LRRC4C: variants seen among roughly 807,000 people sequenced by gnomAD.
LRRC4C encodes leucine rich repeat containing 4C.
Under a neutral mutation model 33.6 loss-of-function variants are expected in LRRC4C, and 5 were observed. The ratio of observed to expected loss-of-function variants is 0.15; its 90% confidence interval spans 0.08 to 0.31. The LOEUF (loss-of-function observed/expected upper bound fraction) is 0.31, where lower values mean the gene tolerates loss of function less well. Among genes scored for constraint, LRRC4C ranks in the 10% least tolerant of loss-of-function variants. LRRC4C has a pLI of 1.00. For synonymous variants in LRRC4C, 329 were observed against 302.0 expected (o/e 1.09, Z -0.93); for missense variants, 560 against 796.7 (o/e 0.70, Z 3.58).
At chr11:40,367,852 T>C (rs1948279707) in intron 3 of LRRC4C, among the ~76,000 whole-genome samples, 1 of 152,126 alleles carries the variant, frequency 6.6e-6, no homozygotes, top group Non-Finnish European at 1.5e-5. Context: ...ATCTGATCCC[T>C]CATATGAGGC....
chr11:41,153,227 C>A (rs566146514), intron 1 of LRRC4C, among the ~76,000 whole-genome samples: 1 of 152,008 alleles, frequency 6.6e-6, no homozygotes, highest in African/African-American at 2.4e-5. Flanking sequence ...TAAATTACAC[C>A]AAACTTTGTG....
intron 2 of LRRC4C, among the ~76,000 whole-genome samples, chr11:40,765,173 A>C (rs964327816): frequency 3.9e-5 from 6 of 152,156 alleles, no homozygotes; most frequent in Non-Finnish European, 7.3e-5. Context: ...TGTAATTTCC[A>C]GTGTTGGAGG....
At chr11:40,643,331 C>T (rs78844780) in intron 3 of LRRC4C, among the ~76,000 whole-genome samples, 88 of 152,244 alleles carry the variant, frequency 5.8e-4, no homozygotes, top group African/African-American at 2.0e-3. Context: ...TCACCTAGGC[C>T]ATCAATGCCC....
intron 1 of LRRC4C, among the ~76,000 whole-genome samples, chr11:41,062,104 C>G (rs1049152474): frequency 6.6e-6 from 1 of 152,206 alleles, no homozygotes; most frequent in Non-Finnish European, 1.5e-5. Flanking sequence ...GTTTAAAAAA[C>G]TTATTATAAT....
At chr11:41,394,534 C>T (rs1000296234) in intron 1 of LRRC4C, 1 of 151,852 alleles carries the variant, frequency 6.6e-6, no homozygotes, top group African/African-American at 2.4e-5. Flanking sequence ...CTCCAATCAG[C>T]TCATCAGAAA....
chr11:40,981,240 C>A (rs572850955), intron 1 of LRRC4C, among the ~76,000 whole-genome samples: 1 of 152,100 alleles, frequency 6.6e-6, no homozygotes, highest in East Asian at 1.9e-4. Context: ...ATGGTGAAAC[C>A]CCGTCTCTAC....
intron 6 of LRRC4C, among the ~76,000 whole-genome samples, chr11:40,126,514 A>G (rs1335938871): frequency 6.6e-6 from 1 of 152,210 alleles, no homozygotes; most frequent in Non-Finnish European, 1.5e-5. Flanking sequence ...CCAATCTTGG[A>G]GGTATAAAAC....
At chr11:40,188,512 T>G (rs2135580453) in intron 5 of LRRC4C, among the ~76,000 whole-genome samples, 1 of 152,364 alleles carries the variant, frequency 6.6e-6, no homozygotes, top group Admixed American at 6.5e-5. Flanking sequence ...GTTTGCATCA[T>G]TTTTCTACCT....
rs11303120 is a variant in LRRC4C, at chr11:40,206,410, ATT to A, written c.-96+35107_-96+35108del. Among the ~76,000 whole-genome samples the A allele has an allele frequency of 1.5e-4, 22 of 147,108 alleles. No homozygotes were observed. The South Asian group carries it at 3.4e-3, about 23-fold the overall frequency. ...GCCATCATGCCCAGCTAATTTTTGT[ATT>A]TTTTTTTTTAGTAGAGACAGGGTTT... On this transcript the variant is annotated intron_variant, in intron 5 of 6. Coordinates refer to ENST00000528697, the MANE Select transcript of LRRC4C (RefSeq NM_001258419.2).
At chr11:41,326,040 T>C (rs1431935125) in intron 1 of LRRC4C, among the ~76,000 whole-genome samples, 1 of 152,080 alleles carries the variant, frequency 6.6e-6, no homozygotes, top group Non-Finnish European at 1.5e-5. Context: ...AAAGCATTGT[T>C]CTTGGGTGTG....
intron 3 of LRRC4C, among the ~76,000 whole-genome samples, chr11:40,482,292 C>A (rs1422357896): frequency 1.3e-5 from 2 of 152,018 alleles, no homozygotes; most frequent in African/African-American, 2.4e-5. Flanking sequence ...CAGGCAAAAC[C>A]CTTAGGACAT....
At chr11:40,911,445 T>C (rs1052275710) in intron 2 of LRRC4C, among the ~76,000 whole-genome samples, 5 of 151,994 alleles carry the variant, frequency 3.3e-5, no homozygotes, top group African/African-American at 1.2e-4. Context: ...GGGTCTGGAG[T>C]GGACCTCCGG....
chr11:40,244,912 T>G (rs886562193), intron 4 of LRRC4C, among the ~76,000 whole-genome samples: 1 of 152,224 alleles, frequency 6.6e-6, no homozygotes, highest in African/African-American at 2.4e-5. Context: ...CCATGGCATC[T>G]GGATTGCTAT....
chr11:40,182,859 T>C (rs2135533741), intron 5 of LRRC4C, among the ~76,000 whole-genome samples: 1 of 152,334 alleles, frequency 6.6e-6, no homozygotes, highest in Admixed American at 6.5e-5. Flanking sequence ...TGCATTATTT[T>C]AAGATCATTA....
intron 1 of LRRC4C, among the ~76,000 whole-genome samples, chr11:41,442,247 C>A (rs1437259777): frequency 6.6e-6 from 1 of 151,846 alleles, no homozygotes. Context: ...ATAAAAAATT[C>A]TATGACCCAT....
At chr11:40,451,106 T>TG (rs1265868608) in intron 3 of LRRC4C, among the ~76,000 whole-genome samples, 2 of 150,714 alleles carry the variant, frequency 1.3e-5, no homozygotes, top group Non-Finnish European at 3.0e-5. Context: ...TATTTAACAA[T>TG]GAAAAAAAAC....
intron 1 of LRRC4C, among the ~76,000 whole-genome samples, chr11:40,937,476 A>G (rs1291981080): frequency 6.6e-6 from 1 of 152,152 alleles, no homozygotes; most frequent in Non-Finnish European, 1.5e-5. Flanking sequence ...ATAAAAGTTG[A>G]AATTAAAAAA....
At chr11:40,550,402 T>A (rs1209283285) in intron 3 of LRRC4C, among the ~76,000 whole-genome samples, 1 of 152,182 alleles carries the variant, frequency 6.6e-6, no homozygotes, top group African/African-American at 2.4e-5. Flanking sequence ...CTAAAGATCA[T>A]ATTTCTTTAC....
At chr11:40,240,311 A>T in intron 5 of LRRC4C, among the ~76,000 whole-genome samples, 1 of 152,196 alleles carries the variant, frequency 6.6e-6, no homozygotes, top group East Asian at 1.9e-4. Context: ...GAATATCATC[A>T]TGTATAACTT....
Sources: gnomAD v4.1 joint callset for allele counts (sites outside exome capture counted in the v4.1 genomes callset) on GRCh38, gnomAD v4.1.1 for gene constraint, MANE v1.5 for transcripts, NCBI Gene and HGNC (gene_info 2026-07-23, HGNC 2026-07-21) for gene names.